ZNF606: variants seen among roughly 807,000 people sequenced by gnomAD.
The protein encoded by ZNF606 is zinc finger protein 328.
Under a neutral mutation model 74.9 loss-of-function variants are expected in ZNF606, and 37 were observed. That is an observed-to-expected ratio of 0.49 (90% CI 0.38 to 0.65). The LOEUF is 0.65. Ranked by LOEUF, ZNF606 falls within the 30% of genes least tolerant of loss-of-function variation. The pLI, the probability that ZNF606 is intolerant of heterozygous loss-of-function variation, is 0.00. For synonymous variants in ZNF606, 328 were observed against 312.4 expected, an observed-to-expected ratio of 1.05 and a Z score of -0.53; for missense variants, 852 against 952.9, an observed-to-expected ratio of 0.89 and a Z score of 1.39.
In ZNF606 at chr19:58,002,602, C is replaced by T. The variant is rs1244150746; in HGVS notation, c.-258G>A. 2.3e-6 allele frequency: 1 copy of T among 440,078 alleles called. No individual in the cohort carries two copies. Among genetic ancestry groups the T allele is most frequent in the Non-Finnish European group, 4.5e-6 (1 of 222,794 alleles). The allele number at this position is 440,078 out of a possible 1,614,324, so 27.3% of individuals were successfully genotyped here. ...GTCCGACCAGAAAACGAAGAACGCCCGGAGGCGGGAGGCCGGAGGCAGGCT... is the reference window on the plus strand; with the variant it reads ...GTCCGACCAGAAAACGAAGAACGCCTGGAGGCGGGAGGCCGGAGGCAGGCT... On this transcript the variant is annotated 5_prime_UTR_variant, in exon 1 of 7. Transcript: ENST00000551380.
At position 57,978,462 on chromosome 19, in the gene ZNF606, G is replaced by C; in HGVS notation, c.2218C>G (p.His740Asp). The C allele has an allele frequency of 6.2e-7, 1 of 1,613,884 alleles. No individual in the cohort carries two copies. ...HTGEKPYKCNHCEKAFCKNSS... is the reference protein window; with the variant it reads ...HTGEKPYKCNDCEKAFCKNSS... Reference sequence around the variant, plus strand: ...TTCTTACAAAATGCTTTTTCACAATGATTACATTTGTAGGGCTTTTCTCCA... The same window carrying C: ...TTCTTACAAAATGCTTTTTCACAATCATTACATTTGTAGGGCTTTTCTCCA... Residue 740 changes from histidine (H) to aspartate (D), a missense_variant, in exon 7 of 7, where the codon CAT becomes GAT. By Grantham distance (81) the His-to-Asp change is moderately conservative. Coordinates refer to ENST00000551380, the MANE Select transcript of ZNF606 (RefSeq NM_001348022.3). The surrounding 1 kb of genome is among the most constrained non-coding windows in gnomAD (Gnocchi z 4.4).
chr19:57,983,063 T>TTAA (rs2073110416), intron 6 of ZNF606, among the ~76,000 whole-genome samples: 2 of 152,192 alleles, frequency 1.3e-5, no homozygotes, highest in African/African-American at 2.4e-5. Context: ...ATCCTTCCAG[T>TTAA]AAAAGCTTTT....
upstream of ZNF606, chr19:58,002,836 G>C (rs766096623): frequency 2.7e-5 from 12 of 447,780 alleles, no homozygotes; most frequent in South Asian, 1.9e-4. Context: ...GCGCCGCGGG[G>C]TCTGCTGGGA....
chr19:57,982,742 TC>T (rs1222836297), intron 6 of ZNF606, among the ~76,000 whole-genome samples: 1 of 152,112 alleles, frequency 6.6e-6, no homozygotes, highest in Non-Finnish European at 1.5e-5. Flanking sequence ...CAGGCAATCC[TC>T]CCACCTCAGC....
rs751709394 is a variant in ZNF606 at position 57,979,314 on chromosome 19, A to G, written c.1366T>C (p.Tyr456His). The G allele has an allele frequency of 4.3e-6, 7 of 1,614,050 alleles. No homozygotes were observed. In the Admixed American group the frequency reaches 1.0e-4, roughly 23 times the overall value. Residue 456 changes from tyrosine to histidine, a missense_variant, in exon 7 of 7, where the codon TAT becomes CAT. By Grantham distance (83) the Tyr-to-His change is moderately conservative. Around this residue, in one of 3 missense-constraint regions of ZNF606, gnomAD observed 243 missense variants for 359.2 expected, o/e 0.68. Coordinates refer to ENST00000551380, the MANE Select transcript of ZNF606 (RefSeq NM_001348022.3). ...HERTHTGIKP[Y>H]ECNKCGKAFS... Reference sequence around the variant, plus strand: ...GCTTTTCCACATTTATTACATTCATAGGGTTTTATTCCAGTGTGAGTCCGT... The same window carrying G: ...GCTTTTCCACATTTATTACATTCATGGGGTTTTATTCCAGTGTGAGTCCGT...
chr19:57,978,399 C>T lies in ZNF606; in HGVS notation c.2281G>A (p.Glu761Lys). ...LIIHQRMHSG[E>K]KRFICSECGK... ...CATTCACTGCATATAAAGCGTTTCT[C>T]TCCACTATGCATTCTCTGATGAATA... is the stretch of plus-strand genomic sequence containing the variant. The change falls in exon 7 of 7, where the codon GAG (glutamate) becomes AAG (lysine). Residue 761 changes from glutamate (E) to lysine (K), a missense_variant. Glu to Lys is a moderately conservative substitution (Grantham distance 56). This residue lies in a region of ZNF606 where 64 missense variants were observed against 51.1 expected (regional missense o/e 1.25). Coordinates refer to ENST00000551380, the MANE Select transcript of ZNF606 (RefSeq NM_001348022.3). The surrounding 1 kb of genome is among the most constrained non-coding windows in gnomAD (Gnocchi z 4.4). 6.2e-7 allele frequency: 1 copy of T among 1,613,634 alleles called. No homozygotes were observed. Among genetic ancestry groups the T allele is most frequent in the Non-Finnish European group, 8.5e-7 (1 of 1,179,580 alleles).
intron 3 of ZNF606, 152 bp from the exon 4 acceptor site, chr19:58,000,048 G>C (rs1043495732): frequency 4.5e-6 from 3 of 667,380 alleles, no homozygotes; most frequent in Non-Finnish European, 7.5e-6. Flanking sequence ...TTAGGGCTCA[G>C]AGAAGGTTAG....
intron 4 of ZNF606, among the ~76,000 whole-genome samples, chr19:57,993,070 C>T (rs56987988): frequency 0.22 from 33,539 of 152,002 alleles, 3,789 homozygotes; most frequent in Non-Finnish European, 0.24. Context: ...GGAGATATGA[C>T]GCAAGCAGGG....
chr19:58,000,384 G>A (rs1015437315), intron 3 of ZNF606: 7 of 549,694 alleles, frequency 1.3e-5, no homozygotes, highest in African/African-American at 7.6e-5. Context: ...ACCACGCCCA[G>A]CTAATTTTTT....
intron 4 of ZNF606, among the ~76,000 whole-genome samples, chr19:57,993,302 CT>C (rs568336168): frequency 9.2e-5 from 14 of 152,102 alleles, no homozygotes; most frequent in Non-Finnish European, 1.8e-4. Flanking sequence ...CAGGGTTCAT[CT>C]TCTACTTTGG....
chr19:57,987,412 T>G (rs10409661), intron 6 of ZNF606, among the ~76,000 whole-genome samples: 1 of 151,924 alleles, frequency 6.6e-6, no homozygotes, highest in East Asian at 1.9e-4. Flanking sequence ...CCCAGCTAAG[T>G]TTTTTAATAA....
intron 6 of ZNF606, 21 bp downstream of exon 6, chr19:57,988,186 C>G (rs1169524718): frequency 6.3e-7 from 1 of 1,598,800 alleles, no homozygotes; most frequent in Non-Finnish European, 8.5e-7. Context: ...GTTCCTTGTT[C>G]AGCCTGGGGT....
rs2073421668 is a variant in ZNF606 at position 58,001,167 on chromosome 19, T to G, written c.31+122A>C. ...CCTTTACCACCAATCAGTTCTAATT[T>G]TGTACCAAGATAGACAGACCCCCTT... On this transcript the variant is annotated intron_variant, in intron 2 of 6. Transcript: ENST00000551380. The G allele has an allele frequency of 1.7e-5, 20 of 1,188,822 alleles. No individual in the cohort carries two copies. In the South Asian group the frequency reaches 2.8e-4, roughly 16 times the overall value. The allele number at this position is 1,188,822 out of a possible 1,614,324, so 73.6% of individuals were successfully genotyped here.
At chr19:57,999,967 G>GGTTCTCAGCCCCCC in intron 3 of ZNF606, 71 bp from the exon 4 acceptor site, 1 of 1,427,448 alleles carries the variant, frequency 7.0e-7, no homozygotes, top group Non-Finnish European at 9.6e-7. Context: ...CTGGGGGGCT[G>GGTTCTCAGCCCCCC]AGAACCAGCC....
At chr19:57,987,682 GC>G (rs1381851418) in intron 6 of ZNF606, among the ~76,000 whole-genome samples, 1 of 151,984 alleles carries the variant, frequency 6.6e-6, no homozygotes, top group African/African-American at 2.4e-5. Context: ...ACAAAAACTA[GC>G]CAGGCATGGT....
upstream of ZNF606, chr19:58,003,053 C>T (rs1224685646): frequency 1.5e-5 from 6 of 411,676 alleles, no homozygotes; most frequent in East Asian, 4.3e-4. Context: ...CTGGGTAAGT[C>T]GCGGCCCCGC....
At chr19:57,980,813 C>T (rs1045436750) in intron 6 of ZNF606, among the ~76,000 whole-genome samples, 6 of 132,518 alleles carry the variant, frequency 4.5e-5, no homozygotes, top group African/African-American at 1.5e-4. Flanking sequence ...TCAGCCTGAG[C>T]GACAGAGCGA....
chr19:57,990,963 CTG>C (rs1401471239), intron 4 of ZNF606, among the ~76,000 whole-genome samples: 1 of 152,160 alleles, frequency 6.6e-6, no homozygotes, highest in Non-Finnish European at 1.5e-5. Flanking sequence ...AACCTCATCT[CTG>C]TGTCTCACAA....
intron 6 of ZNF606, among the ~76,000 whole-genome samples, chr19:57,987,918 A>G (rs1444991539): frequency 6.6e-6 from 1 of 152,236 alleles, no homozygotes; most frequent in Non-Finnish European, 1.5e-5. Context: ...ACAGGAAATA[A>G]GGAAAATATT....
Sources: allele counts gnomAD v4.1 joint callset (sites outside exome capture counted in the v4.1 genomes callset), GRCh38; gene constraint gnomAD v4.1.1; regional missense constraint gnomAD v4.1.1; non-coding constraint Gnocchi (gnomAD v3.1); transcripts MANE v1.5; gene names NCBI Gene and HGNC (gene_info 2026-07-23, HGNC 2026-07-21).